SLC14A1: variants seen among roughly 807,000 people sequenced by gnomAD.
SLC14A1 encodes urea transporter 1.
A neutral mutation model predicts 39.6 loss-of-function variants in SLC14A1; 36 were observed. That is an observed-to-expected ratio of 0.91 (90% CI 0.70 to 1.20). The LOEUF (loss-of-function observed/expected upper bound fraction) is 1.20. SLC14A1 is among the 50% of genes most tolerant of loss of function. The pLI is 0.00. For synonymous variants in SLC14A1, 164 were observed against 173.6 expected (o/e 0.94, Z 0.43); for missense variants, 469 against 478.7 (o/e 0.98, Z 0.19).
intron 9 of SLC14A1, 28 bp from the exon 10 acceptor site, chr18:45,749,750 G>A (rs781076907): frequency 6.2e-7 from 1 of 1,614,056 alleles, no homozygotes; most frequent in Non-Finnish European, 8.5e-7. Context: ...GATCTGAAAG[G>A]AGCGTGTGGC....
Position 45,750,864 on chromosome 18 carries a change from G to C in SLC14A1, c.*913G>C. The C allele has an allele frequency of 1.0e-6, 1 of 985,100 alleles. No individual in the cohort carries two copies. The highest frequency in any genetic ancestry group is 1.2e-6 in the Non-Finnish European group (1 of 829,822). The allele number at this position is 985,100 out of a possible 1,614,324, so 61.0% of individuals were successfully genotyped here. A position where few individuals can be genotyped will look rare whatever the true frequency, so the allele number is the denominator to read the frequency against. On this transcript the variant is annotated 3_prime_UTR_variant, in exon 10 of 10. Transcript: ENST00000321925. ...ATAGAATTGTTACCAACCTCCAAAG[G>C]GCTCTTTAAAATCATATTTTTTATT...
chr18:45,748,402 G>A lies in SLC14A1; in HGVS notation c.973G>A (p.Gly325Ser), dbSNP rs140320419. The A allele has an allele frequency of 6.6e-5, 106 of 1,613,726 alleles. No homozygotes were observed. The highest frequency in any genetic ancestry group is 2.1e-4 in the South Asian group (19 of 91,048). The change falls in exon 9 of 10, where the codon GGC (glycine) becomes AGC (serine). Residue 325 changes from glycine (G) to serine (S), a missense_variant. Coordinates refer to ENST00000321925, the MANE Select transcript of SLC14A1 (RefSeq NM_015865.7). ...CCTGTTCACGGCCTATCTTGGAGTC[G>A]GCATGGCAAACTTTATGGCTGAGGT... Reference protein sequence around the residue: ...CALFTAYLGVGMANFMAEVGL... With the variant: ...CALFTAYLGVSMANFMAEVGL...
In SLC14A1 at chr18:45,751,214, C is replaced by A; in HGVS notation, c.*1263C>A. 2.7e-6 allele frequency: 1 copy of A among 371,504 alleles called. No homozygotes were observed. Among genetic ancestry groups the A allele is most frequent in the Non-Finnish European group, 3.7e-6 (1 of 269,354 alleles). The allele number at this position is 371,504 out of a possible 1,614,324, so 23.0% of individuals were successfully genotyped here. A position where few individuals can be genotyped will look rare whatever the true frequency, so the allele number is the denominator to read the frequency against. ...AATTAGCCAGGCATGGTGGTGGGTG[C>A]CTGTAGTTCCAGCTACTTGGGAGGC... On this transcript the variant is annotated 3_prime_UTR_variant, in exon 10 of 10. Coordinates refer to ENST00000321925, the MANE Select transcript of SLC14A1 (RefSeq NM_015865.7).
At chr18:45,742,352 G>GTTTTTT (rs1491390496) in intron 8 of SLC14A1, among the ~76,000 whole-genome samples, 3 of 104,944 alleles carry the variant, frequency 2.9e-5, no homozygotes, top group African/African-American at 4.2e-5. Context: ...TTTGTTTTTT[G>GTTTTTT]GTTTTTTTTT....
chr18:45,752,007 A>G lies in SLC14A1; in HGVS notation c.*2056A>G. The G allele has an allele frequency of 3.0e-6, 3 of 985,374 alleles. No individual in the cohort carries two copies. The highest frequency in any genetic ancestry group is 3.6e-6 in the Non-Finnish European group (3 of 829,896). The allele number at this position is 985,374 out of a possible 1,614,324, so 61.0% of individuals were successfully genotyped here. A position where few individuals can be genotyped will look rare whatever the true frequency, so the allele number is the denominator to read the frequency against. Reference sequence around the variant, plus strand: ...TAAACCTACAAATATTTTAGGGAGAAGCTCACTTCTTCCTTTTCTCAGGAA... The same window carrying G: ...TAAACCTACAAATATTTTAGGGAGAGGCTCACTTCTTCCTTTTCTCAGGAA... On this transcript the variant is annotated 3_prime_UTR_variant, in exon 10 of 10. Coordinates refer to ENST00000321925, the MANE Select transcript of SLC14A1 (RefSeq NM_015865.7).
chr18:45,748,334 A>G lies in SLC14A1; in HGVS notation c.947-42A>G, dbSNP rs200167236. On this transcript the variant is annotated intron_variant, in intron 8 of 9. Coordinates refer to ENST00000321925, the MANE Select transcript of SLC14A1 (RefSeq NM_015865.7). Reference sequence around the variant, plus strand: ...CAGCCTTTCCTGTGATTAAAAGTGCATCTACGAAGCATTGTTCTTTCCCTC... The same window carrying G: ...CAGCCTTTCCTGTGATTAAAAGTGCGTCTACGAAGCATTGTTCTTTCCCTC... 1.2e-4 allele frequency: 190 copies of G among 1,603,508 alleles called. 1 individual carries two copies. The highest frequency in any genetic ancestry group is 2.6e-6 in the Non-Finnish European group (3 of 1,170,260).
Position 45,749,924 on chromosome 18 carries a change from G to A in SLC14A1, c.1143G>A (p.Lys381=), listed in dbSNP as rs2047665404. ...EENRIFYLQA[K]KRMVESPL ...ACCGCATCTTCTACCTGCAAGCCAA[G>A]AAAAGAATGGTGGAAAGCCCTTTGT... Residue 381 remains lysine (K), a synonymous_variant, in exon 10 of 10, where the codon AAG becomes AAA. Transcript: ENST00000321925. The A allele has an allele frequency of 1.9e-6, 3 of 1,614,044 alleles. No individual in the cohort carries two copies. Among genetic ancestry groups the A allele is most frequent in the South Asian group, 2.2e-5 (2 of 91,080 alleles).
rs866272715 is a variant in SLC14A1 at position 45,747,588 on chromosome 18, G to A, written c.947-788G>A. Among the ~76,000 whole-genome samples, 64 of 152,146 alleles carry A rather than the reference G, an allele frequency of 4.2e-4. 1 individual carries two copies. Among genetic ancestry groups the A allele is most frequent in the Middle Eastern group, 6.8e-3 (2 of 294 alleles). On this transcript the variant is annotated intron_variant, in intron 8 of 9. Transcript: ENST00000321925. ...TGGGCACCTGTAGTCCCAGCTACTC[G>A]GGAGGCTGAGGCAGGAGAATGGCGT...
chr18:45,742,131 T>G (rs2047393813), intron 8 of SLC14A1, among the ~76,000 whole-genome samples: 1 of 152,098 alleles, frequency 6.6e-6, no homozygotes, highest in Non-Finnish European at 1.5e-5. Flanking sequence ...CAGGGGGCCA[T>G]TTCCACTCAG....
intron 4 of SLC14A1, chr18:45,731,636 TGCAAAGG>T: frequency 3.7e-6 from 1 of 269,238 alleles, no homozygotes; most frequent in Non-Finnish European, 7.3e-6. Flanking sequence ...TCATAGACAG[TGCAAAGG>T]TCAGCTCAGC....
chr18:45,746,290 G>A (rs1013713366), intron 8 of SLC14A1, among the ~76,000 whole-genome samples: 1 of 152,170 alleles, frequency 6.6e-6, no homozygotes, highest in Non-Finnish European at 1.5e-5. Context: ...TGCTGTCAGG[G>A]TCATTGCCTA....
chr18:45,731,393 T>C (rs563614045), intron 4 of SLC14A1, 189 bp downstream of exon 4: 2 of 659,344 alleles, frequency 3.0e-6, no homozygotes, highest in Non-Finnish European at 5.4e-6. Flanking sequence ...GATATCTGAA[T>C]AAATGGCTGG....
At chr18:45,731,445 G>T in intron 4 of SLC14A1, 1 of 552,176 alleles carries the variant, frequency 1.8e-6, no homozygotes, top group East Asian at 3.3e-5. Context: ...GTGCTAACCA[G>T]AACTAAGCTA....
At chr18:45,738,451 G>C (rs1024162779) in intron 6 of SLC14A1, among the ~76,000 whole-genome samples, 3 of 152,176 alleles carry the variant, frequency 2.0e-5, no homozygotes, top group Admixed American at 1.3e-4. Flanking sequence ...TCTGTGAACA[G>C]AATAACTAAA....
chr18:45,751,548 T>G lies in SLC14A1; in HGVS notation c.*1597T>G. On this transcript the variant is annotated 3_prime_UTR_variant, in exon 10 of 10. Coordinates refer to ENST00000321925, the MANE Select transcript of SLC14A1 (RefSeq NM_015865.7). ...ATCCCAGCACTTTGGGAGATGGAGG[T>G]AAAAGGATCTCTTGAGCCCAGGAGT... The G allele has an allele frequency of 1.0e-6, 1 of 976,582 alleles. No homozygotes were observed. Among genetic ancestry groups the G allele is most frequent in the Non-Finnish European group, 1.2e-6 (1 of 822,522 alleles). 60.5% of individuals were successfully genotyped at this position (976,582 alleles called of 1,614,324 possible). A position where few individuals can be genotyped will look rare whatever the true frequency, so the allele number is the denominator to read the frequency against.
At chr18:45,725,586 G>A (rs962664576) in intron 2 of SLC14A1, among the ~76,000 whole-genome samples, 2 of 152,186 alleles carry the variant, frequency 1.3e-5, no homozygotes, top group African/African-American at 2.4e-5. Flanking sequence ...GCATCGCTAA[G>A]TCCTAGCCCT....
At chr18:45,746,327 C>T (rs186368719) in intron 8 of SLC14A1, among the ~76,000 whole-genome samples, 15 of 152,286 alleles carry the variant, frequency 9.8e-5, no homozygotes, top group South Asian at 6.2e-4. Context: ...TGCAGAATTG[C>T]GCCTCTACTG....
chr18:45,724,739 T>C (rs754149182), intron 1 of SLC14A1, among the ~76,000 whole-genome samples: 3 of 152,218 alleles, frequency 2.0e-5, no homozygotes, highest in African/African-American at 4.8e-5. Context: ...GACTCCTCTG[T>C]GTGTGCTGTC....
At chr18:45,736,329 C>CA (rs750357436) in intron 5 of SLC14A1, 127 bp from the exon 6 acceptor site, 132 of 839,438 alleles carry the variant, frequency 1.6e-4, no homozygotes, top group Middle Eastern at 3.4e-4. Flanking sequence ...CTTTCTGTGG[C>CA]AAATGTGCCA....
Sources: gnomAD v4.1 joint callset for allele counts (sites outside exome capture counted in the v4.1 genomes callset) on GRCh38, gnomAD v4.1.1 for gene constraint, MANE v1.5 for transcripts, NCBI Gene and HGNC (gene_info 2026-07-23, HGNC 2026-07-21) for gene names.